The following ISLR2 variants were observed in gnomAD, a reference collection of about 807,000 sequenced individuals.
ISLR2 encodes the protein immunoglobulin superfamily containing leucine-rich repeat protein 2.
ISLR2 carries 16 observed loss-of-function variants against 25.5 expected under a neutral mutation model. The observed-to-expected ratio is 0.63, with a 90% CI of 0.43 to 0.95. The LOEUF (loss-of-function observed/expected upper bound fraction) is 0.95, where lower values mean the gene tolerates loss of function less well. ISLR2 is among the 40% of genes least tolerant of loss of function. The probability of loss-of-function intolerance (pLI) is 0.00; values close to 1 mark genes in which losing one functional copy is unlikely to be tolerated. For missense variants in ISLR2, 883 were observed against 1,030.7 expected, an observed-to-expected ratio of 0.86 and a Z score of 1.96; for synonymous variants, 508 against 486.6, an observed-to-expected ratio of 1.04 and a Z score of -0.58.
At chr15:74,126,896 T>TTATGTG (rs1186575779), upstream of ISLR2, 1 of 122,312 alleles carries the variant, frequency 8.2e-6, no homozygotes, top group African/African-American at 3.2e-5. Flanking sequence ...GAGAGAACAT[T>TTATGTG]TGTGTGTGTG....
rs915758256 is a variant in ISLR2, at chr15:74,135,477, C to CT, written c.*494dup. 82 of 166,794 alleles carry CT rather than the reference C, an allele frequency of 4.9e-4. No individual in the cohort carries two copies. The highest frequency in any genetic ancestry group is 8.4e-4 in the African/African-American group (35 of 41,426). 10.3% of individuals were successfully genotyped at this position (166,794 alleles called of 1,614,324 possible). On this transcript the variant is annotated 3_prime_UTR_variant, in exon 3 of 3. Coordinates refer to ENST00000453268, the MANE Select transcript of ISLR2 (RefSeq NM_020851.3). Reference sequence around the variant, plus strand: ...CCCTCCTCCTCCCTTTCTTTCTTTCCTTTTTTTTTATTTTTTAATTTTATT... The same window carrying CT: ...CCCTCCTCCTCCCTTTCTTTCTTTCCTTTTTTTTTTATTTTTTAATTTTATT...
At chr15:74,141,119 C>T (rs757297742), downstream of ISLR2, among the ~76,000 whole-genome samples, 40 of 152,316 alleles carry the variant, frequency 2.6e-4, no homozygotes, top group Admixed American at 4.6e-4. Context: ...GATTTAAAGA[C>T]AGGACGATTT....
At chr15:74,128,819 A>G, upstream of ISLR2, 1 of 403,894 alleles carries the variant, frequency 2.5e-6, no homozygotes, top group South Asian at 1.8e-5. Flanking sequence ...CCGCCCCCTC[A>G]GGGTTCCCAA....
At chr15:74,124,701 G>C (rs1347629734), upstream of ISLR2, among the ~76,000 whole-genome samples, 5 of 152,204 alleles carry the variant, frequency 3.3e-5, no homozygotes, top group Non-Finnish European at 7.3e-5. Context: ...GGAGGTTGCA[G>C]TGAGCCAAAA....
intron 2 of ISLR2, among the ~76,000 whole-genome samples, chr15:74,119,266 A>G (rs1369549842): frequency 6.6e-6 from 1 of 152,068 alleles, no homozygotes; most frequent in Admixed American, 6.5e-5. Flanking sequence ...GCTGGAATGC[A>G]ATGGTGCAAT....
Position 74,134,043 on chromosome 15 carries a change from A to C in ISLR2, c.1289A>C (p.Glu430Ala). The C allele has an allele frequency of 6.2e-7, 1 of 1,613,686 alleles. No homozygotes were observed. The highest frequency in any genetic ancestry group is 8.5e-7 in the Non-Finnish European group (1 of 1,179,838). The change falls in exon 3 of 3, where the codon GAG becomes GCG. Residue 430 changes from glutamate to alanine, a missense_variant. Transcript: ENST00000453268. ...QGLAKVSILG[E>A]TETEPEEDTS... ...CTGGCCAAGGTCAGCATTCTCGGGG[A>C]GACCGAGACGGAGCCGGAGGAGGAC...
intron 2 of ISLR2, among the ~76,000 whole-genome samples, chr15:74,104,329 AC>A (rs1183603381): frequency 4.6e-5 from 7 of 152,160 alleles, no homozygotes; most frequent in African/African-American, 1.7e-4. Flanking sequence ...AGAACAGAGA[AC>A]TGTCCAGCCC....
intron 2 of ISLR2, among the ~76,000 whole-genome samples, chr15:74,118,726 T>C (rs2072230412): frequency 6.6e-6 from 1 of 151,700 alleles, no homozygotes; most frequent in African/African-American, 2.4e-5. Context: ...GGTGCAATCT[T>C]GGCTCACTGC....
chr15:74,140,475 G>A (rs982908146), downstream of ISLR2, among the ~76,000 whole-genome samples: 2 of 152,108 alleles, frequency 1.3e-5, no homozygotes, highest in Admixed American at 6.6e-5. Flanking sequence ...ATTCCATAGG[G>A]AAAAAGGGAC....
Position 74,133,948 on chromosome 15 carries a change from G to A in ISLR2, c.1194G>A (p.Lys398=). The change falls in exon 3 of 3, where the codon AAG becomes AAA. Residue 398 remains lysine, a synonymous_variant. Transcript: ENST00000453268. ...GACAGGCCCCGACCTCTGAGCGCAA[G>A]TCCACAGCCAAGGGCCGGGGCAACA... is the stretch of plus-strand genomic sequence containing the variant. ...PDGQAPTSER[K]STAKGRGNSV... The A allele has an allele frequency of 6.2e-7, 1 of 1,607,466 alleles. No homozygotes were observed. The highest frequency in any genetic ancestry group is 8.5e-7 in the Non-Finnish European group (1 of 1,177,204).
chr15:74,108,346 C>T (rs1300011318), intron 2 of ISLR2, among the ~76,000 whole-genome samples: 1 of 152,162 alleles, frequency 6.6e-6, no homozygotes, highest in Non-Finnish European at 1.5e-5. Flanking sequence ...GTGGCCAATC[C>T]AAACAAGTCC....
intron 2 of ISLR2, among the ~76,000 whole-genome samples, chr15:74,117,016 G>T (rs1280973882): frequency 6.6e-6 from 1 of 152,118 alleles, no homozygotes; most frequent in East Asian, 1.9e-4. Context: ...CTTCATCCAG[G>T]GATCCATTTA....
intron 2 of ISLR2, among the ~76,000 whole-genome samples, chr15:74,121,513 G>A (rs1470352578): frequency 6.6e-6 from 1 of 152,122 alleles, no homozygotes; most frequent in Non-Finnish European, 1.5e-5. Flanking sequence ...GGTAGGGACA[G>A]GCTTGAGGAG....
Position 74,134,103 on chromosome 15 carries a change from T to G in ISLR2, c.1349T>G (p.Leu450Arg). 3 of 1,613,580 alleles carry G rather than the reference T, an allele frequency of 1.9e-6. No homozygotes were observed. Among genetic ancestry groups the G allele is most frequent in the East Asian group, 2.2e-5 (1 of 44,858 alleles). ...GGAGAGGAGGCCGAAGACCAGATCC[T>G]CGCGGACCCGGCGGAGGAGCAGCGC... ...SEGEEAEDQI[L>R]ADPAEEQRCG... Residue 450 changes from leucine to arginine, a missense_variant, in exon 3 of 3, where the codon CTC (leucine) becomes CGC (arginine). By Grantham distance (102) the Leu-to-Arg change is moderately radical (BLOSUM62 -2). Around this residue, in one of 2 missense-constraint regions of ISLR2, gnomAD observed 612 missense variants for 642.8 expected, o/e 0.95. Transcript: ENST00000453268.
chr15:74,140,178 C>G (rs1430332722), downstream of ISLR2, among the ~76,000 whole-genome samples: 1 of 152,110 alleles, frequency 6.6e-6, no homozygotes, highest in Admixed American at 6.5e-5. Context: ...CAAAGGAAGG[C>G]AGGGCTTCTT....
chr15:74,104,340 C>T (rs1029533129), intron 2 of ISLR2, among the ~76,000 whole-genome samples: 1 of 152,152 alleles, frequency 6.6e-6, no homozygotes, highest in African/African-American at 2.4e-5. Flanking sequence ...CTGTCCAGCC[C>T]TAAACATCAA....
intron 2 of ISLR2, among the ~76,000 whole-genome samples, chr15:74,117,560 G>A (rs2072220525): frequency 6.6e-6 from 1 of 152,140 alleles, no homozygotes; most frequent in Non-Finnish European, 1.5e-5. Flanking sequence ...GTACATGCCT[G>A]TAATCCCAGC....
At chr15:74,112,231 G>T (rs1283266427) in intron 2 of ISLR2, among the ~76,000 whole-genome samples, 1 of 152,206 alleles carries the variant, frequency 6.6e-6, no homozygotes, top group African/African-American at 2.4e-5. Flanking sequence ...CGTGTCCTAG[G>T]CTAGGTCACC....
rs763180855 is a variant in ISLR2, at chr15:74,133,495, C to A, written c.741C>A (p.Gly247=). The A allele has an allele frequency of 9.9e-6, 16 of 1,613,834 alleles. No individual in the cohort carries two copies. In the Admixed American group the frequency reaches 2.7e-4, roughly 27 times the overall value. ...LSAEPPLEAP[G]TPLRAGLAFV... is the part of the protein sequence containing the mutation. ...CCGAGCCACCGCTTGAAGCACCCGG[C>A]ACCCCACTGCGCGCAGGACTGGCGT... The change falls in exon 3 of 3, where the codon GGC becomes GGA. Residue 247 remains glycine, a synonymous_variant. Coordinates refer to ENST00000453268, the MANE Select transcript of ISLR2 (RefSeq NM_020851.3).
Sources: gnomAD v4.1 joint callset for allele counts (sites outside exome capture counted in the v4.1 genomes callset) on GRCh38, gnomAD v4.1.1 for gene constraint, gnomAD v4.1.1 regional missense constraint, MANE v1.5 for transcripts, NCBI Gene and HGNC (gene_info 2026-07-23, HGNC 2026-07-21) for gene names.